DLGAP2: variants seen among roughly 807,000 people sequenced by gnomAD.
DLGAP2 encodes the protein DLG associated protein 2, also known as disks large-associated protein 2.
A neutral mutation model predicts 100.3 loss-of-function variants in DLGAP2; 26 were observed. The observed-to-expected ratio is 0.26, with a 90% CI of 0.19 to 0.36. The LOEUF is 0.36. Among genes scored for constraint, DLGAP2 ranks in the 10% least tolerant of loss-of-function variants. The probability of loss-of-function intolerance (pLI) is 1.00; values close to 1 mark genes in which losing one functional copy is unlikely to be tolerated. For synonymous variants in DLGAP2, 886 were observed against 630.1 expected, an observed-to-expected ratio of 1.41 and a Z score of -6.08; for missense variants, 1,858 against 1,453.2, an observed-to-expected ratio of 1.28 and a Z score of -4.53.
intron 2 of DLGAP2, among the ~76,000 whole-genome samples, chr8:1,198,295 C>G (rs1447071531): frequency 6.6e-6 from 1 of 152,136 alleles, no homozygotes; most frequent in Non-Finnish European, 1.5e-5. Context: ...AGTTTGTGAC[C>G]AGAAAGCAGC....
intron 3 of DLGAP2, among the ~76,000 whole-genome samples, chr8:1,427,559 G>A (rs910398687): frequency 6.6e-6 from 1 of 152,186 alleles, no homozygotes; most frequent in South Asian, 2.1e-4. Context: ...ATCTTGAATT[G>A]TAACTCCCAC....
At chr8:1,514,767 C>T (rs1357649377) in intron 4 of DLGAP2, among the ~76,000 whole-genome samples, 1 of 152,172 alleles carries the variant, frequency 6.6e-6, no homozygotes, top group Non-Finnish European at 1.5e-5. Context: ...GCTCCTAGTC[C>T]ATGTAGCTGC....
At chr8:1,105,892 GC>G (rs1804746576) in intron 2 of DLGAP2, among the ~76,000 whole-genome samples, 1 of 146,390 alleles carries the variant, frequency 6.8e-6, no homozygotes, top group Non-Finnish European at 1.5e-5. Context: ...TTGAAGGGGG[GC>G]CATTCTAGGA....
At chr8:1,681,764 A>C (rs764435730) in intron 12 of DLGAP2, among the ~76,000 whole-genome samples, 3 of 152,246 alleles carry the variant, frequency 2.0e-5, no homozygotes, top group African/African-American at 7.2e-5. Context: ...CTAGGTGAGT[A>C]GTATTGTAAG....
intron 3 of DLGAP2, among the ~76,000 whole-genome samples, chr8:1,378,527 C>T (rs901248319): frequency 6.6e-6 from 1 of 151,738 alleles, no homozygotes; most frequent in African/African-American, 2.4e-5. Context: ...CTGACCTCAC[C>T]TGTCCCTGAC....
intron 1 of DLGAP2, among the ~76,000 whole-genome samples, chr8:871,233 A>T (rs545910854): frequency 7.2e-4 from 109 of 152,300 alleles, no homozygotes; most frequent in African/African-American, 2.6e-3. Context: ...TCCCCCGTGC[A>T]TTTCTTCAGA....
chr8:789,423 A>C (rs917964921), intron 1 of DLGAP2, among the ~76,000 whole-genome samples: 1 of 152,122 alleles, frequency 6.6e-6, no homozygotes, highest in African/African-American at 2.4e-5. Context: ...ACTCACTATC[A>C]CAAGAACAGC....
At chr8:1,482,689 C>A (rs563434117) in intron 3 of DLGAP2, among the ~76,000 whole-genome samples, 1 of 152,324 alleles carries the variant, frequency 6.6e-6, no homozygotes, top group East Asian at 1.9e-4. Flanking sequence ...ACGGCCGCCC[C>A]GGCCAGCCTC....
intron 2 of DLGAP2, among the ~76,000 whole-genome samples, chr8:1,101,253 C>T (rs1219249062): frequency 6.6e-6 from 1 of 152,216 alleles, no homozygotes; most frequent in Non-Finnish European, 1.5e-5. Context: ...TAAAATCCAA[C>T]AAAGGCTCAC....
At chr8:1,207,769 A>T (rs1190998661) in intron 2 of DLGAP2, among the ~76,000 whole-genome samples, 2 of 152,148 alleles carry the variant, frequency 1.3e-5, no homozygotes. Flanking sequence ...TGCAGGAGTG[A>T]GGTGGTGTCA....
intron 10 of DLGAP2, among the ~76,000 whole-genome samples, 188 bp from the exon 11 acceptor site, chr8:1,676,345 G>A (rs1798810573): frequency 6.6e-6 from 1 of 152,146 alleles, no homozygotes; most frequent in African/African-American, 2.4e-5. Flanking sequence ...GTGATGAGAC[G>A]CAGGAGTGAT....
intron 2 of DLGAP2, among the ~76,000 whole-genome samples, chr8:1,188,114 G>C (rs1797552441): frequency 7.1e-6 from 1 of 141,630 alleles, no homozygotes; most frequent in Non-Finnish European, 1.5e-5. Flanking sequence ...GGACCTCCGT[G>C]ACATTTGCCT....
At chr8:1,382,208 G>C (rs921457530) in intron 3 of DLGAP2, among the ~76,000 whole-genome samples, 15 of 152,164 alleles carry the variant, frequency 9.9e-5, no homozygotes, top group Non-Finnish European at 1.9e-4. Context: ...AAGTAAGCTA[G>C]AGAAAGAAAA....
rs1804996125 is a variant in DLGAP2, at chr8:1,112,612, A to G, written c.74-146239A>G. Among the ~76,000 whole-genome samples, 3 of 152,326 alleles carry G rather than the reference A, an allele frequency of 2.0e-5. 1 individual carries two copies. The highest frequency in any genetic ancestry group is 4.1e-4 in the South Asian group (2 of 4,826). ...TTTAAGTTCCTTATAGATACTGGAT[A>G]TGAGACCTTTGTCAGATGCGTAGTT... On this transcript the variant is annotated intron_variant, in intron 2 of 14. Coordinates refer to ENST00000637795, the MANE Select transcript of DLGAP2 (RefSeq NM_001346810.2).
At chr8:1,515,469 G>A (rs1800337428) in intron 4 of DLGAP2, among the ~76,000 whole-genome samples, 1 of 151,016 alleles carries the variant, frequency 6.6e-6, no homozygotes, top group South Asian at 2.1e-4. Flanking sequence ...AACAATTGTA[G>A]ACATGCAAAA....
At chr8:1,295,655 C>T (rs928228892) in intron 3 of DLGAP2, among the ~76,000 whole-genome samples, 1 of 152,156 alleles carries the variant, frequency 6.6e-6, no homozygotes, top group Non-Finnish European at 1.5e-5. Context: ...TGAAGTGTTT[C>T]GTAAAAGCCA....
At chr8:1,464,286 CGCCCTTCCAGGATG>C (rs1798551605) in intron 3 of DLGAP2, among the ~76,000 whole-genome samples, 1 of 82,384 alleles carries the variant, frequency 1.2e-5, no homozygotes, top group Non-Finnish European at 2.6e-5. Context: ...TCCAGGACAA[CGCCCTTCCAGGATG>C]GCACCCTTCC....
chr8:1,175,211 G>T (rs1175233414), intron 2 of DLGAP2, among the ~76,000 whole-genome samples: 1 of 151,912 alleles, frequency 6.6e-6, no homozygotes, highest in Admixed American at 6.6e-5. Context: ...GTAACCCGCA[G>T]TGAGCACAGA....
intron 3 of DLGAP2, among the ~76,000 whole-genome samples, chr8:1,490,526 C>G (rs1799348786): frequency 1.3e-5 from 2 of 152,358 alleles, no homozygotes; most frequent in South Asian, 2.1e-4. Flanking sequence ...GAGTCCTGTT[C>G]TGTGTTCGTG....
Sources: gnomAD v4.1 joint callset for allele counts (sites outside exome capture counted in the v4.1 genomes callset) on GRCh38, gnomAD v4.1.1 for gene constraint, MANE v1.5 for transcripts, NCBI Gene and HGNC (gene_info 2026-07-23, HGNC 2026-07-21) for gene names.